SNX10: variants seen among roughly 807,000 people sequenced by gnomAD.
The protein encoded by SNX10 is sorting nexin-10.
A neutral mutation model predicts 28.5 loss-of-function variants in SNX10; 25 were observed. The observed-to-expected ratio is 0.88, with a 90% confidence interval of 0.64 to 1.22. The LOEUF (loss-of-function observed/expected upper bound fraction) is 1.22, where lower values mean the gene tolerates loss of function less well. Ranked by LOEUF, SNX10 falls within the 50% of genes most tolerant of loss-of-function variation. SNX10 has a pLI of 0.00. For synonymous variants in SNX10, 62 were observed against 81.4 expected, an observed-to-expected ratio of 0.76 and a Z score of 1.28; for missense variants, 223 against 242.6, an observed-to-expected ratio of 0.92 and a Z score of 0.54.
intron 1 of SNX10, among the ~76,000 whole-genome samples, chr7:26,332,165 T>C (rs1376769313): frequency 6.6e-6 from 1 of 152,232 alleles, no homozygotes; most frequent in African/African-American, 2.4e-5. Context: ...CTGCCAGACT[T>C]TTCGCAAGGG....
chr7:26,325,764 G>A lies in SNX10; in HGVS notation c.-23-20656G>A, dbSNP rs191548162. Among the ~76,000 whole-genome samples, 69 of 149,144 alleles carry A rather than the reference G, an allele frequency of 4.6e-4. 1 individual carries two copies. In the East Asian group the frequency reaches 0.013, roughly 27 times the overall value. ...TTTTTTTGAGATGGAGTCTCACTCT[G>A]TTGCCCAGGCTGGAGTGCAGTGGTG... is the stretch of plus-strand genomic sequence containing the variant. On this transcript the variant is annotated intron_variant, in intron 1 of 6. Coordinates refer to ENST00000338523, the MANE Select transcript of SNX10 (RefSeq NM_013322.3).
chr7:26,372,550 A>G lies in SNX10; in HGVS notation c.584A>G (p.Asn195Ser). 6.2e-7 allele frequency: 1 copy of G among 1,603,880 alleles called. No homozygotes were observed. The highest frequency in any genetic ancestry group is 8.5e-7 in the Non-Finnish European group (1 of 1,170,768). ...DDSSSHGCKV[N>S]TAPQES Reference sequence around the variant, plus strand: ...AGCAGTTCACATGGATGTAAAGTAAATACAGCTCCGCAGGAATCCTGAAAA... The same window carrying G: ...AGCAGTTCACATGGATGTAAAGTAAGTACAGCTCCGCAGGAATCCTGAAAA... Residue 195 changes from asparagine to serine, a missense_variant, in exon 7 of 7, where the codon AAT becomes AGT. Physicochemically the swap from Asn to Ser is conservative, Grantham distance 46 (BLOSUM62 1). Coordinates refer to ENST00000338523, the MANE Select transcript of SNX10 (RefSeq NM_013322.3).
chr7:26,372,593 A>G lies in SNX10; in HGVS notation c.*21A>G, dbSNP rs571979367. The G allele has an allele frequency of 1.1e-5, 16 of 1,400,886 alleles. No individual in the cohort carries two copies. In the East Asian group the frequency reaches 1.6e-4, roughly 14 times the overall value. 86.8% of individuals were successfully genotyped at this position (1,400,886 alleles called of 1,614,324 possible). ...CCTGAAAAATAATTCTAATGTTACT[A>G]TCTTAGGAATAGCAAATTATGTCCA... On this transcript the variant is annotated 3_prime_UTR_variant, in exon 7 of 7. Coordinates refer to ENST00000338523, the MANE Select transcript of SNX10 (RefSeq NM_013322.3).
At chr7:26,299,286 C>T (rs963735228) in intron 1 of SNX10, among the ~76,000 whole-genome samples, 3 of 152,022 alleles carry the variant, frequency 2.0e-5, no homozygotes, top group African/African-American at 7.3e-5. Context: ...ACTTCTGCCT[C>T]CCGGGTTCAA....
chr7:26,320,648 G>A (rs1416745662), intron 1 of SNX10, among the ~76,000 whole-genome samples: 1 of 151,940 alleles, frequency 6.6e-6, no homozygotes, highest in Non-Finnish European at 1.5e-5. Flanking sequence ...TGGCCAGGCT[G>A]GTCTTGAACT....
Position 26,373,565 on chromosome 7 carries a change from A to AT in SNX10, c.*995dup, listed in dbSNP as rs1047875991. The AT allele has an allele frequency of 6.6e-6, 1 of 152,072 alleles. No homozygotes were observed. Among genetic ancestry groups the AT allele is most frequent in the Non-Finnish European group, 1.5e-5 (1 of 67,916 alleles). The allele number at this position is 152,072 out of a possible 1,614,324, so 9.4% of individuals were successfully genotyped here. ...CCCCTTTTAAAGCATCTACTTGAAG[A>AT]TTGGTATAATTTTCATAAAATGTCT... On this transcript the variant is annotated 3_prime_UTR_variant, in exon 7 of 7. Transcript: ENST00000338523. This position sits in a 1 kb window ranked among gnomAD's most constrained non-coding sequence, Gnocchi z 4.2.
intron 1 of SNX10, among the ~76,000 whole-genome samples, chr7:26,307,611 C>T (rs1786649842): frequency 6.6e-6 from 1 of 152,018 alleles, no homozygotes; most frequent in Admixed American, 6.6e-5. Flanking sequence ...TGAAACCCAG[C>T]TAATTTTTGC....
At chr7:26,333,269 C>A (rs1041148762) in intron 1 of SNX10, among the ~76,000 whole-genome samples, 3 of 151,012 alleles carry the variant, frequency 2.0e-5, no homozygotes, top group African/African-American at 4.9e-5. Context: ...TTGTGGTTTT[C>A]AGAGTATACA....
intron 1 of SNX10, among the ~76,000 whole-genome samples, chr7:26,303,741 G>A (rs1786466326): frequency 6.6e-6 from 1 of 152,172 alleles, no homozygotes; most frequent in Non-Finnish European, 1.5e-5. Context: ...GCAGATTTCT[G>A]GGTCTCAGTA....
intron 1 of SNX10, among the ~76,000 whole-genome samples, chr7:26,305,159 A>G (rs1372034575): frequency 2.0e-5 from 3 of 152,092 alleles, no homozygotes; most frequent in African/African-American, 4.8e-5. Context: ...CTGATCTTGC[A>G]TAGTCTCCTG....
At chr7:26,330,753 C>T (rs1260392144) in intron 1 of SNX10, among the ~76,000 whole-genome samples, 1 of 152,130 alleles carries the variant, frequency 6.6e-6, no homozygotes, top group Non-Finnish European at 1.5e-5. Context: ...GGCATAGTGG[C>T]ATGCACCTGT....
chr7:26,356,819 C>T (rs563521164), intron 2 of SNX10, among the ~76,000 whole-genome samples: 2 of 152,174 alleles, frequency 1.3e-5, no homozygotes, highest in South Asian at 4.1e-4. Context: ...AAACATTGCT[C>T]TTGGATCCTT....
chr7:26,370,877 A>C (rs1789500885), intron 5 of SNX10, among the ~76,000 whole-genome samples: 1 of 152,190 alleles, frequency 6.6e-6, no homozygotes, highest in African/African-American at 2.4e-5. Flanking sequence ...TAATTATTGA[A>C]CTATCAGTAG....
At chr7:26,372,358 AT>A in intron 6 of SNX10, 132 bp from the exon 7 acceptor site, 2 of 692,790 alleles carry the variant, frequency 2.9e-6, no homozygotes. Context: ...CAAATGGCTA[AT>A]TAAAAGTCCA....
At chr7:26,328,744 G>T (rs1011593524) in intron 1 of SNX10, among the ~76,000 whole-genome samples, 2 of 152,152 alleles carry the variant, frequency 1.3e-5, no homozygotes, top group Non-Finnish European at 2.9e-5. Context: ...GAAGTGGGGA[G>T]AATGCCTTCT....
chr7:26,356,790 G>A (rs145388967), intron 2 of SNX10, among the ~76,000 whole-genome samples: 48 of 152,202 alleles, frequency 3.2e-4, no homozygotes, highest in African/African-American at 1.0e-3. Flanking sequence ...CTAGAAAACA[G>A]TTTGTTCTCC....
At chr7:26,319,565 A>T (rs988989117) in intron 1 of SNX10, among the ~76,000 whole-genome samples, 3 of 152,218 alleles carry the variant, frequency 2.0e-5, no homozygotes, top group Admixed American at 2.0e-4. Flanking sequence ...TCAGCATCTG[A>T]TATCATTACA....
At chr7:26,360,697 A>G in intron 2 of SNX10, 1 of 470,908 alleles carries the variant, frequency 2.1e-6, no homozygotes, top group African/African-American at 2.1e-5. Context: ...TCAGTTTTAC[A>G]GTATACTTTG....
At chr7:26,321,136 C>G (rs1402927661) in intron 1 of SNX10, among the ~76,000 whole-genome samples, 5 of 152,274 alleles carry the variant, frequency 3.3e-5, no homozygotes. Context: ...GAACATTGGC[C>G]TGTTTCAAAT....
Sources: gnomAD v4.1 joint callset for allele counts (sites outside exome capture counted in the v4.1 genomes callset) on GRCh38, gnomAD v4.1.1 for gene constraint, Gnocchi (gnomAD v3.1) non-coding constraint, MANE v1.5 for transcripts, NCBI Gene and HGNC (gene_info 2026-07-23, HGNC 2026-07-21) for gene names.